Variants in EMCN observed in about 807,000 individuals in gnomAD.
EMCN encodes the protein MUC-14.
A neutral mutation model predicts 38.4 loss-of-function variants in EMCN; 37 were observed. The ratio of observed to expected loss-of-function variants is 0.96; its 90% confidence interval spans 0.74 to 1.27. The LOEUF (loss-of-function observed/expected upper bound fraction) is 1.27. Among genes scored for constraint, EMCN ranks in the 50% most tolerant of loss-of-function variants. The pLI is 0.00. For synonymous variants in EMCN, 95 were observed against 100.8 expected (o/e 0.94, Z 0.35); for missense variants, 318 against 302.8 (o/e 1.05, Z -0.37).
At chr4:100,480,722 A>G (rs899599518) in intron 1 of EMCN, among the ~76,000 whole-genome samples, 1 of 151,886 alleles carries the variant, frequency 6.6e-6, no homozygotes, top group African/African-American at 2.4e-5. Flanking sequence ...AAATTTTAAC[A>G]TTAATTGGGC....
chr4:100,508,653 T>C (rs1729546135), intron 1 of EMCN, among the ~76,000 whole-genome samples: 1 of 152,166 alleles, frequency 6.6e-6, no homozygotes, highest in South Asian at 2.1e-4. Context: ...TACAATTGAA[T>C]TTTCATAATT....
intron 11 of EMCN, among the ~76,000 whole-genome samples, chr4:100,403,794 T>C (rs2110204981): frequency 6.6e-6 from 1 of 152,190 alleles, no homozygotes; most frequent in Middle Eastern, 3.4e-3. Context: ...CATCTCATTA[T>C]GGTTTTGATT....
intron 1 of EMCN, among the ~76,000 whole-genome samples, chr4:100,500,543 C>G (rs1436017803): frequency 6.6e-6 from 1 of 152,080 alleles, no homozygotes; most frequent in African/African-American, 2.4e-5. Context: ...AACTGCTAAT[C>G]TGATTTATGG....
At chr4:100,516,833 TA>T (rs1326201910) in intron 1 of EMCN, among the ~76,000 whole-genome samples, 1 of 152,064 alleles carries the variant, frequency 6.6e-6, no homozygotes, top group Non-Finnish European at 1.5e-5. Context: ...ATGAGCAAAA[TA>T]AAATTAGAAA....
At chr4:100,449,073 T>C (rs1301440092) in intron 4 of EMCN, among the ~76,000 whole-genome samples, 2 of 152,100 alleles carry the variant, frequency 1.3e-5, no homozygotes, top group Non-Finnish European at 2.9e-5. Flanking sequence ...GGCAGATTTC[T>C]TATCTTGTTC....
At chr4:100,443,464 C>T (rs963878241) in intron 5 of EMCN, among the ~76,000 whole-genome samples, 1 of 152,200 alleles carries the variant, frequency 6.6e-6, no homozygotes, top group African/African-American at 2.4e-5. Context: ...GTAGGTGCCT[C>T]AGTGGCCTAG....
intron 1 of EMCN, among the ~76,000 whole-genome samples, chr4:100,493,434 T>C (rs942896186): frequency 9.2e-5 from 14 of 152,238 alleles, no homozygotes; most frequent in Admixed American, 7.2e-4. Context: ...TTACCTGTTA[T>C]GGTTCTGTGG....
intron 4 of EMCN, among the ~76,000 whole-genome samples, chr4:100,453,942 G>A (rs1305726619): frequency 2.2e-4 from 33 of 150,522 alleles, no homozygotes; most frequent in African/African-American, 7.1e-4. Flanking sequence ...CAAACACCGC[G>A]TGTTCTCACT....
At chr4:100,433,249 C>T (rs911728448) in intron 5 of EMCN, among the ~76,000 whole-genome samples, 2 of 152,166 alleles carry the variant, frequency 1.3e-5, no homozygotes, top group African/African-American at 2.4e-5. Flanking sequence ...TTTCACTTAG[C>T]ATAATGTCCT....
At chr4:100,422,912 C>T in intron 7 of EMCN, 109 bp downstream of exon 7, 1 of 1,035,442 alleles carries the variant, frequency 9.7e-7, no homozygotes, top group Non-Finnish European at 1.5e-6. Flanking sequence ...ATTGCAGGCT[C>T]AGTAAAGTTG....
At chr4:100,494,231 A>G (rs1458384140) in intron 1 of EMCN, among the ~76,000 whole-genome samples, 1 of 152,214 alleles carries the variant, frequency 6.6e-6, no homozygotes, top group African/African-American at 2.4e-5. Flanking sequence ...TATGTCATTA[A>G]GATGCCATCA....
At chr4:100,489,738 T>C (rs2110290767) in intron 1 of EMCN, among the ~76,000 whole-genome samples, 1 of 152,274 alleles carries the variant, frequency 6.6e-6, no homozygotes, top group South Asian at 2.1e-4. Flanking sequence ...ACCTACAAAT[T>C]CAACCAAATG....
intron 9 of EMCN, 31 bp downstream of exon 9, chr4:100,417,086 T>C: frequency 6.2e-7 from 1 of 1,608,614 alleles, no homozygotes; most frequent in Non-Finnish European, 8.5e-7. Flanking sequence ...AATGGTAGGG[T>C]CTAAACAAAA....
At chr4:100,435,713 A>C (rs1330284309) in intron 5 of EMCN, among the ~76,000 whole-genome samples, 1 of 152,132 alleles carries the variant, frequency 6.6e-6, no homozygotes, top group Non-Finnish European at 1.5e-5. Context: ...GAGAACTCAG[A>C]AATAAGACCA....
intron 1 of EMCN, among the ~76,000 whole-genome samples, chr4:100,489,777 A>G (rs1729029895): frequency 6.6e-6 from 1 of 152,154 alleles, no homozygotes; most frequent in Non-Finnish European, 1.5e-5. Flanking sequence ...AAACCTGTGG[A>G]TACGGAAGAC....
chr4:100,473,254 T>C lies in EMCN; in HGVS notation c.259+1784A>G, dbSNP rs1229756758. ...GTTGGTTAGGCTGGTCTTGAACTCC[T>C]GACCTCAAGTGATCCACACTTCTCG... is the stretch of plus-strand genomic sequence containing the variant. On this transcript the variant is annotated intron_variant, in intron 3 of 11. Coordinates refer to ENST00000296420, the MANE Select transcript of EMCN (RefSeq NM_016242.4). Among the ~76,000 whole-genome samples, 2 of 150,620 alleles carry C rather than the reference T, an allele frequency of 1.3e-5. 1 individual carries two copies. The highest frequency in any genetic ancestry group is 4.8e-5 in the African/African-American group (2 of 41,240).
At chr4:100,467,283 T>C (rs1417236053) in intron 3 of EMCN, among the ~76,000 whole-genome samples, 1 of 152,176 alleles carries the variant, frequency 6.6e-6, no homozygotes, top group Non-Finnish European at 1.5e-5. Context: ...TAAAAGATGC[T>C]GCCACAGCCA....
At chr4:100,466,285 G>T (rs1728314003) in intron 3 of EMCN, among the ~76,000 whole-genome samples, 1 of 152,202 alleles carries the variant, frequency 6.6e-6, no homozygotes, top group South Asian at 2.1e-4. Context: ...TGCATGCTTG[G>T]TGTTAGCTGG....
intron 2 of EMCN, 89 bp downstream of exon 2, chr4:100,479,828 T>C (rs1012766375): frequency 3.7e-6 from 4 of 1,068,234 alleles, no homozygotes; most frequent in Non-Finnish European, 5.2e-6. Context: ...AGATATAAGA[T>C]CCCGAATTAT....
Sources: gnomAD v4.1 joint callset for allele counts (sites outside exome capture counted in the v4.1 genomes callset) on GRCh38, gnomAD v4.1.1 for gene constraint, MANE v1.5 for transcripts, NCBI Gene and HGNC (gene_info 2026-07-23, HGNC 2026-07-21) for gene names.